DRG1: variants seen among roughly 807,000 people sequenced by gnomAD.
The protein encoded by DRG1 is developmentally regulated GTP binding protein 1.
Under a neutral mutation model 38.8 loss-of-function variants are expected in DRG1, and 19 were observed. That is an observed-to-expected ratio of 0.49 (90% CI 0.34 to 0.72). DRG1 has a LOEUF of 0.72. Ranked by LOEUF, DRG1 falls within the 30% of genes least tolerant of loss-of-function variation. The pLI is 0.01. For missense variants in DRG1, 299 were observed against 444.8 expected (o/e 0.67, Z 2.95); for synonymous variants, 167 against 157.5 (o/e 1.06, Z -0.45).
chr22:31,427,500 C>G (rs2050117267), intron 8 of DRG1, among the ~76,000 whole-genome samples: 1 of 152,136 alleles, frequency 6.6e-6, no homozygotes, highest in Admixed American at 6.6e-5. Context: ...TACTGAGCCC[C>G]CTTCTAAACC....
At chr22:31,423,221 A>G in intron 5 of DRG1, 59 bp from the exon 6 acceptor site, 2 of 1,601,328 alleles carry the variant, frequency 1.2e-6, no homozygotes, top group Non-Finnish European at 1.7e-6. Context: ...ATATTGGTAC[A>G]CTTGACAAGT....
intron 5 of DRG1, among the ~76,000 whole-genome samples, chr22:31,421,885 G>C (rs1019580851): frequency 3.3e-5 from 5 of 152,066 alleles, no homozygotes; most frequent in Non-Finnish European, 7.4e-5. Flanking sequence ...GGGAGTCCGA[G>C]GTGGGCGGAT....
At chr22:31,433,237 T>C (rs1474737061) in intron 8 of DRG1, among the ~76,000 whole-genome samples, 1 of 151,876 alleles carries the variant, frequency 6.6e-6, no homozygotes, top group Non-Finnish European at 1.5e-5. Context: ...CAGTCTGAAA[T>C]TTTCAGGGTA....
intron 8 of DRG1, 134 bp downstream of exon 8, chr22:31,427,316 T>G: frequency 2.5e-6 from 3 of 1,197,008 alleles, no homozygotes. Flanking sequence ...GCTAGAACTC[T>G]GCAGTGTCTT....
intron 3 of DRG1, among the ~76,000 whole-genome samples, chr22:31,403,977 C>CTTTT (rs11295429): frequency 6.6e-4 from 54 of 81,778 alleles, no homozygotes; most frequent in East Asian, 1.3e-3. Context: ...AAGAGAATAA[C>CTTTT]TTTTTTTTTT....
intron 4 of DRG1, among the ~76,000 whole-genome samples, chr22:31,417,761 C>G (rs1203564071): frequency 6.6e-6 from 1 of 151,276 alleles, no homozygotes; most frequent in East Asian, 2.0e-4. Flanking sequence ...GAGGCTGAGG[C>G]GAGCGGATCA....
intron 3 of DRG1, among the ~76,000 whole-genome samples, chr22:31,405,685 G>A (rs1017208115): frequency 2.7e-5 from 4 of 150,704 alleles, no homozygotes; most frequent in Non-Finnish European, 3.0e-5. Context: ...GTGTGTGGGG[G>A]GGTTTATTTA....
In DRG1 at chr22:31,400,756, C is replaced by T. The variant is rs995158976; in HGVS notation, c.166+13C>T. On this transcript the variant is annotated intron_variant, in intron 2 of 8. Coordinates refer to ENST00000331457, the MANE Select transcript of DRG1 (RefSeq NM_004147.4). ...GGTCCAGGAGAAGGTTTGTGTTCTT[C>T]TTCAATATATATATTTTTAGGTATA... The T allele has an allele frequency of 1.2e-6, 2 of 1,606,598 alleles. No homozygotes were observed. The highest frequency in any genetic ancestry group is 1.3e-5 in the African/African-American group (1 of 74,746).
intron 4 of DRG1, among the ~76,000 whole-genome samples, chr22:31,417,151 C>T (rs984975058): frequency 6.6e-6 from 1 of 151,880 alleles, no homozygotes; most frequent in Non-Finnish European, 1.5e-5. Context: ...GCGGGTGGAT[C>T]ACCAGGTCAG....
intron 4 of DRG1, among the ~76,000 whole-genome samples, chr22:31,413,013 T>G (rs532132660): frequency 1.5e-3 from 232 of 152,244 alleles, no homozygotes; most frequent in Middle Eastern, 0.01. Context: ...CTGTTTTCTT[T>G]GATAATTGCC....
intron 4 of DRG1, among the ~76,000 whole-genome samples, chr22:31,411,899 T>C (rs762563775): frequency 6.6e-6 from 1 of 152,120 alleles, no homozygotes; most frequent in Non-Finnish European, 1.5e-5. Flanking sequence ...TGAAGAACGC[T>C]ATCTTCTAGC....
chr22:31,401,922 G>A (rs368514840), intron 2 of DRG1, among the ~76,000 whole-genome samples: 1 of 151,856 alleles, frequency 6.6e-6, no homozygotes, highest in African/African-American at 2.4e-5. Context: ...ATGGTAGCAC[G>A]AACCTGTAAT....
chr22:31,422,403 C>T lies in DRG1; in HGVS notation c.583-877C>T, dbSNP rs150223382. On this transcript the variant is annotated intron_variant, in intron 5 of 8. Transcript: ENST00000331457. ...CTGAGATCGCGCCACTGCACTCCAG[C>T]CTGGGCAACAAGAGCAAAACTCCGT... Among the ~76,000 whole-genome samples the T allele has an allele frequency of 6.2e-3, 949 of 152,064 alleles. 10 individuals carry two copies. Among genetic ancestry groups the T allele is most frequent in the African/African-American group, 0.022 (907 of 41,470 alleles).
rs34293725 is a variant in DRG1, at chr22:31,432,042, GTT to G, written c.1005-1818_1005-1817del. 7.4e-4 allele frequency among the ~76,000 whole-genome samples: 108 copies of G among 145,218 alleles called. No individual in the cohort carries two copies. The East Asian group carries it at 8.8e-3, about 12-fold the overall frequency. ...GGATTTTATTTGCTCTTATTTTACT[GTT>G]TTTTTTTTTTTCTTTAATTATTGCA... is the stretch of plus-strand genomic sequence containing the variant. On this transcript the variant is annotated intron_variant, in intron 8 of 8. Transcript: ENST00000331457.
chr22:31,430,616 G>C (rs911297908), intron 8 of DRG1, among the ~76,000 whole-genome samples: 4 of 151,932 alleles, frequency 2.6e-5, no homozygotes, highest in African/African-American at 9.7e-5. Context: ...AGCCAGGATG[G>C]TCTTGATCTC....
In DRG1 at chr22:31,434,361, G is replaced by A. The variant is rs1375772509; in HGVS notation, c.*390G>A. The A allele has an allele frequency of 9.9e-6, 2 of 201,988 alleles. No individual in the cohort carries two copies. The highest frequency in any genetic ancestry group is 2.0e-5 in the Non-Finnish European group (2 of 99,530). 12.5% of individuals were successfully genotyped at this position (201,988 alleles called of 1,614,324 possible). ...ACTTATGGGAACCCCTTCCAAACTA[G>A]ATATGGCTTTCAGTCCTTTCAAGTA... is the stretch of plus-strand genomic sequence containing the variant. On this transcript the variant is annotated 3_prime_UTR_variant, in exon 9 of 9. Coordinates refer to ENST00000331457, the MANE Select transcript of DRG1 (RefSeq NM_004147.4).
chr22:31,423,296 T>G lies in DRG1; in HGVS notation c.599T>G (p.Leu200Arg). 1 of 1,614,082 alleles carries G rather than the reference T, an allele frequency of 6.2e-7. No individual in the cohort carries two copies. Among genetic ancestry groups the G allele is most frequent in the Non-Finnish European group, 8.5e-7 (1 of 1,180,034 alleles). ...NLTATCPQSE[L>R]DAETVKSILA... ...CCCTTTCAGTGCCCCCAGAGTGAGCTGGATGCTGAAACTGTGAAGAGCATT... is the reference window on the plus strand; with the variant it reads ...CCCTTTCAGTGCCCCCAGAGTGAGCGGGATGCTGAAACTGTGAAGAGCATT... The change falls in exon 6 of 9, where the codon CTG becomes CGG. Residue 200 changes from leucine (L) to arginine (R), a missense_variant. Coordinates refer to ENST00000331457, the MANE Select transcript of DRG1 (RefSeq NM_004147.4).
At chr22:31,408,663 G>A (rs1489115910) in intron 3 of DRG1, among the ~76,000 whole-genome samples, 2 of 146,376 alleles carry the variant, frequency 1.4e-5, no homozygotes, top group African/African-American at 5.0e-5. Flanking sequence ...TGAGGTGCGA[G>A]AATCGCTTGA....
At chr22:31,431,024 C>CG (rs2050135848) in intron 8 of DRG1, among the ~76,000 whole-genome samples, 1 of 111,664 alleles carries the variant, frequency 9.0e-6, no homozygotes, top group African/African-American at 3.2e-5. Flanking sequence ...GGCCTTCCCC[C>CG]CCCCCCCCCG....
Sources: gnomAD v4.1 joint callset for allele counts (sites outside exome capture counted in the v4.1 genomes callset) on GRCh38, gnomAD v4.1.1 for gene constraint, MANE v1.5 for transcripts, NCBI Gene and HGNC (gene_info 2026-07-23, HGNC 2026-07-21) for gene names.